The following CIMAP3 variants were observed in gnomAD, a reference collection of about 807,000 sequenced individuals.
CIMAP3 encodes the protein ciliary microtubule-associated protein 3.
At chr1:111,328,668 ACTC>A in the CIMAP3 span, among the ~76,000 whole-genome samples, 1 of 150,842 alleles carries the variant, frequency 6.6e-6, no homozygotes, top group Non-Finnish European at 1.5e-5. Context: ...TTAAGAGGCA[ACTC>A]CTCCTTTTTT....
the CIMAP3 span, among the ~76,000 whole-genome samples, chr1:111,326,192 A>G: frequency 6.6e-6 from 1 of 152,284 alleles, no homozygotes; most frequent in East Asian, 1.9e-4. Context: ...TTTGAAATAT[A>G]CAATTTGCTA....
the CIMAP3 span, chr1:111,349,912 G>A: frequency 7.6e-6 from 4 of 523,514 alleles, no homozygotes; most frequent in East Asian, 9.0e-5. Flanking sequence ...AGATTGTCAA[G>A]TTAGATGTTT....
chr1:111,340,520 A>G, the CIMAP3 span, among the ~76,000 whole-genome samples: 2 of 152,006 alleles, frequency 1.3e-5, no homozygotes, highest in Non-Finnish European at 2.9e-5. Context: ...GAAAAAAACA[A>G]ACAACCCCAT....
At chr1:111,350,692 T>C in the CIMAP3 span, among the ~76,000 whole-genome samples, 1 of 152,262 alleles carries the variant, frequency 6.6e-6, no homozygotes, top group Non-Finnish European at 1.5e-5. Context: ...CTAGCTGCAG[T>C]ATTTACTTGT....
chr1:111,341,467 G>T, the CIMAP3 span, among the ~76,000 whole-genome samples: 1 of 152,144 alleles, frequency 6.6e-6, no homozygotes, highest in Non-Finnish European at 1.5e-5. Flanking sequence ...AAAAAGAGTG[G>T]ACAAATGTGG....
the CIMAP3 span, among the ~76,000 whole-genome samples, chr1:111,341,486 T>A: frequency 2.0e-5 from 3 of 152,158 alleles, no homozygotes; most frequent in Non-Finnish European, 2.9e-5. Context: ...GGGCCTGGGA[T>A]CATACGGGCC....
At chr1:111,335,978 G>A in the CIMAP3 span, among the ~76,000 whole-genome samples, 1,210 of 152,284 alleles carry the variant, frequency 7.9e-3, 16 homozygotes, top group African/African-American at 0.027. Flanking sequence ...ACACTTACAC[G>A]GCCGGGTACT....
chr1:111,331,619 C>T, the CIMAP3 span, among the ~76,000 whole-genome samples: 2,371 of 151,972 alleles, frequency 0.016, 35 homozygotes, highest in Non-Finnish European at 0.022. Context: ...ATTGAATTTT[C>T]TATCTGCATT....
At chr1:111,335,947 C>T in the CIMAP3 span, among the ~76,000 whole-genome samples, 2 of 152,206 alleles carry the variant, frequency 1.3e-5, no homozygotes, top group East Asian at 1.9e-4. Context: ...CTGGGAGGCA[C>T]CCCCCAGTAG....
chr1:111,335,209 C>T, the CIMAP3 span, among the ~76,000 whole-genome samples: 1 of 144,628 alleles, frequency 6.9e-6, no homozygotes, highest in African/African-American at 2.6e-5. Flanking sequence ...AAATTTCCTA[C>T]AAGAGAGGAG....
At chr1:111,344,943 T>A in the CIMAP3 span, among the ~76,000 whole-genome samples, 1 of 152,206 alleles carries the variant, frequency 6.6e-6, no homozygotes, top group Non-Finnish European at 1.5e-5. Context: ...TCCTTTTCTA[T>A]GTTTAGGTAA....
the CIMAP3 span, chr1:111,350,040 G>A: frequency 7.6e-7 from 1 of 1,314,852 alleles, no homozygotes; most frequent in Non-Finnish European, 1.1e-6. Flanking sequence ...GGACGGCTCT[G>A]GTACTGATGG....
At chr1:111,334,242 A>G in the CIMAP3 span, among the ~76,000 whole-genome samples, 1 of 152,240 alleles carries the variant, frequency 6.6e-6, no homozygotes, top group Admixed American at 6.5e-5. Flanking sequence ...TATCAAAGAT[A>G]TACCAAGAAA....
chr1:111,344,475 C>T, the CIMAP3 span, among the ~76,000 whole-genome samples: 1 of 152,204 alleles, frequency 6.6e-6, no homozygotes. Context: ...AATGGAACAG[C>T]AGCACCAAGG....
the CIMAP3 span, among the ~76,000 whole-genome samples, chr1:111,345,025 G>A: frequency 6.6e-6 from 1 of 152,176 alleles, no homozygotes; most frequent in Non-Finnish European, 1.5e-5. Flanking sequence ...GTGCTGTACA[G>A]GTTTGTAGCC....
At chr1:111,337,295 T>G in the CIMAP3 span, among the ~76,000 whole-genome samples, 1 of 152,084 alleles carries the variant, frequency 6.6e-6, no homozygotes, top group Non-Finnish European at 1.5e-5. Flanking sequence ...TCAACTAACG[T>G]GCAAAATAGC....
At chr1:111,347,637 T>G in the CIMAP3 span, 3 of 1,188,988 alleles carry the variant, frequency 2.5e-6, no homozygotes, top group Non-Finnish European at 2.4e-6. Flanking sequence ...TTTTTTTTTT[T>G]GGTGTTTTTG....
chr1:111,348,758 AATAAGGAACC>A, the CIMAP3 span: 4 of 1,074,004 alleles, frequency 3.7e-6, no homozygotes, highest in Non-Finnish European at 5.2e-6. Flanking sequence ...ATCGCAGTTA[AATAAGGAACC>A]ATTCAGAGAT....
At chr1:111,326,274 G>C in the CIMAP3 span, among the ~76,000 whole-genome samples, 1 of 152,030 alleles carries the variant, frequency 6.6e-6, no homozygotes, top group Non-Finnish European at 1.5e-5. Context: ...GTTTGTACCC[G>C]TTAACCTATC....
Sources: allele counts gnomAD v4.1 joint callset (sites outside exome capture counted in the v4.1 genomes callset), GRCh38; gene constraint gnomAD v4.1.1; transcripts MANE v1.5; gene names NCBI Gene and HGNC (gene_info 2026-07-23, HGNC 2026-07-21).